Variants in GOLM2 observed in about 807,000 individuals in gnomAD.
The protein encoded by GOLM2 is golgi membrane protein 2.
A neutral mutation model predicts 55.9 loss-of-function variants in GOLM2; 26 were observed. The ratio of observed to expected loss-of-function variants is 0.47; its 90% CI spans 0.34 to 0.65. The LOEUF (loss-of-function observed/expected upper bound fraction) is 0.65. GOLM2 is among the 30% of genes least tolerant of loss of function. The probability of loss-of-function intolerance (pLI) is 0.01; values close to 1 mark genes in which losing one functional copy is unlikely to be tolerated. For synonymous variants in GOLM2, 165 were observed against 194.6 expected (o/e 0.85, Z 1.27); for missense variants, 486 against 531.8 (o/e 0.91, Z 0.85).
intron 6 of GOLM2, among the ~76,000 whole-genome samples, chr15:44,340,223 A>C (rs953211077): frequency 6.7e-6 from 1 of 150,234 alleles, no homozygotes; most frequent in African/African-American, 2.5e-5. Context: ...TAGGATTACA[A>C]ACATGGGTCA....
chr15:44,388,869 G>GA (rs2079467692), intron 8 of GOLM2, among the ~76,000 whole-genome samples: 1 of 151,536 alleles, frequency 6.6e-6, no homozygotes, highest in Admixed American at 6.6e-5. Flanking sequence ...GTGCTGGAGT[G>GA]CAGTGGCGTG....
At chr15:44,310,483 T>C (rs900293531) in intron 1 of GOLM2, among the ~76,000 whole-genome samples, 2 of 140,972 alleles carry the variant, frequency 1.4e-5, no homozygotes, top group African/African-American at 5.6e-5. Flanking sequence ...TATATATATA[T>C]ATATATACAC....
intron 6 of GOLM2, among the ~76,000 whole-genome samples, chr15:44,375,714 G>A (rs886408084): frequency 2.6e-5 from 4 of 152,138 alleles, no homozygotes; most frequent in African/African-American, 7.2e-5. Context: ...CCCGGAGGTC[G>A]GGGCTCCAGT....
intron 6 of GOLM2, among the ~76,000 whole-genome samples, chr15:44,374,874 C>G (rs2079353821): frequency 6.6e-6 from 1 of 152,172 alleles, no homozygotes; most frequent in South Asian, 2.1e-4. Flanking sequence ...CAGAGCTAAA[C>G]CATATCAGCA....
chr15:44,343,835 A>G (rs1242827751), intron 6 of GOLM2, among the ~76,000 whole-genome samples: 7 of 151,812 alleles, frequency 4.6e-5, no homozygotes, highest in African/African-American at 1.7e-4. Flanking sequence ...AAAAAAAAAA[A>G]AAAGAAAAAA....
chr15:44,308,966 G>T (rs183902483), intron 1 of GOLM2, among the ~76,000 whole-genome samples: 3 of 152,216 alleles, frequency 2.0e-5, no homozygotes, highest in Admixed American at 2.0e-4. Flanking sequence ...TTAAAAATGG[G>T]CAAAGGACTG....
At chr15:44,294,208 G>A (rs899499348) in intron 1 of GOLM2, among the ~76,000 whole-genome samples, 16 of 152,040 alleles carry the variant, frequency 1.1e-4, no homozygotes, top group African/African-American at 3.6e-4. Context: ...CTATCTATAC[G>A]TTTCCTACTC....
At chr15:44,321,854 C>T (rs889794604) in intron 1 of GOLM2, among the ~76,000 whole-genome samples, 2 of 151,426 alleles carry the variant, frequency 1.3e-5, no homozygotes, top group South Asian at 4.2e-4. Context: ...GAGTTCAAGA[C>T]CAGCCTGGGC....
intron 4 of GOLM2, among the ~76,000 whole-genome samples, chr15:44,332,609 T>A (rs1378568260): frequency 1.3e-5 from 2 of 152,128 alleles, no homozygotes; most frequent in Admixed American, 6.6e-5. Context: ...TCCATCTTTT[T>A]AAAAAAATAA....
At chr15:44,320,220 GT>G (rs1452631588) in intron 1 of GOLM2, among the ~76,000 whole-genome samples, 16 of 152,106 alleles carry the variant, frequency 1.1e-4, no homozygotes, top group African/African-American at 3.6e-4. Flanking sequence ...CATATGTAAT[GT>G]TTTCCAAGCT....
intron 6 of GOLM2, among the ~76,000 whole-genome samples, chr15:44,364,717 A>G (rs2079272298): frequency 1.3e-5 from 2 of 152,102 alleles, no homozygotes; most frequent in Non-Finnish European, 2.9e-5. Context: ...AGAGAAAAGA[A>G]AACAACTTGA....
intron 1 of GOLM2, among the ~76,000 whole-genome samples, chr15:44,321,504 A>G (rs2078949391): frequency 6.6e-6 from 1 of 150,544 alleles, no homozygotes; most frequent in Admixed American, 6.6e-5. Flanking sequence ...GGGGGATAGC[A>G]TGAGGGAGAT....
chr15:44,348,262 G>T (rs1057464406), intron 6 of GOLM2, among the ~76,000 whole-genome samples: 1 of 151,850 alleles, frequency 6.6e-6, no homozygotes. Flanking sequence ...CTAATTCCAG[G>T]CCTTAGCTCC....
At chr15:44,407,800 G>C (rs1258743700) in intron 9 of GOLM2, among the ~76,000 whole-genome samples, 1 of 148,018 alleles carries the variant, frequency 6.8e-6, no homozygotes, top group Non-Finnish European at 1.5e-5. Context: ...CGCCCAGGCT[G>C]GAGTACAATG....
At chr15:44,302,781 A>G (rs993942571) in intron 1 of GOLM2, among the ~76,000 whole-genome samples, 26 of 152,144 alleles carry the variant, frequency 1.7e-4, no homozygotes, top group African/African-American at 6.0e-4. Flanking sequence ...ATGAGCCACC[A>G]TATCCAGCCT....
rs1159659764 is a variant in GOLM2, at chr15:44,402,961, G to C, written c.1147G>C (p.Asp383His). 1.2e-6 allele frequency: 2 copies of C among 1,614,000 alleles called. No homozygotes were observed. The highest frequency in any genetic ancestry group is 1.7e-6 in the Non-Finnish European group (2 of 1,180,028). ...TAAACTGGCGGATTATAATGGGGAT[G>C]ATGGTAACGTAGGTGAGTATGAGGC... ...GSKLADYNGDDGNVGEYEADK... is the reference protein window; with the variant it reads ...GSKLADYNGDHGNVGEYEADK... The change falls in exon 9 of 10, where the codon GAT (aspartate) becomes CAT (histidine). Residue 383 changes from aspartate to histidine, a missense_variant. Coordinates refer to ENST00000299957, the MANE Select transcript of GOLM2 (RefSeq NM_138423.4).
At chr15:44,375,344 G>A (rs1043326088) in intron 6 of GOLM2, among the ~76,000 whole-genome samples, 3 of 152,092 alleles carry the variant, frequency 2.0e-5, no homozygotes, top group Admixed American at 2.0e-4. Flanking sequence ...ATCAATCATT[G>A]TCATGATATT....
At chr15:44,373,452 G>C (rs1442435621) in intron 6 of GOLM2, among the ~76,000 whole-genome samples, 2 of 136,012 alleles carry the variant, frequency 1.5e-5, no homozygotes, top group Admixed American at 1.5e-4. Context: ...GCGAGACTCC[G>C]TCTCAAAAAA....
At chr15:44,352,365 A>G (rs2079170207) in intron 6 of GOLM2, among the ~76,000 whole-genome samples, 1 of 152,204 alleles carries the variant, frequency 6.6e-6, no homozygotes, top group East Asian at 1.9e-4. Context: ...CTGAATATCC[A>G]TACACAGAAG....
Sources: allele counts gnomAD v4.1 joint callset (sites outside exome capture counted in the v4.1 genomes callset), GRCh38; gene constraint gnomAD v4.1.1; transcripts MANE v1.5; gene names NCBI Gene and HGNC (gene_info 2026-07-23, HGNC 2026-07-21).